Variants in ELL2 observed in about 807,000 individuals in gnomAD.
The protein encoded by ELL2 is elongation factor for RNA polymerase II 2, also known as RNA polymerase II elongation factor ELL2.
Under a neutral mutation model 72.8 loss-of-function variants are expected in ELL2, and 21 were observed. The observed-to-expected ratio is 0.29, with a 90% CI of 0.20 to 0.42. The LOEUF is 0.42. ELL2 is among the 10% of genes least tolerant of loss of function. The pLI is 1.00. For synonymous variants in ELL2, 266 were observed against 283.2 expected, an observed-to-expected ratio of 0.94 and a Z score of 0.61; for missense variants, 568 against 772.8, an observed-to-expected ratio of 0.73 and a Z score of 3.14.
intron 4 of ELL2, among the ~76,000 whole-genome samples, chr5:95,912,001 A>G (rs1343796823): frequency 6.6e-6 from 1 of 152,142 alleles, no homozygotes; most frequent in Non-Finnish European, 1.5e-5. Context: ...GGGAGGTATA[A>G]TTTGGTTCAC....
chr5:95,919,298 A>C, intron 3 of ELL2, 126 bp downstream of exon 3: 1 of 1,190,202 alleles, frequency 8.4e-7, no homozygotes, highest in Non-Finnish European at 1.1e-6. Flanking sequence ...CAGATAAATA[A>C]ATGAGCTCTG....
chr5:95,904,120 T>C (rs1177354013), intron 5 of ELL2, among the ~76,000 whole-genome samples: 1 of 152,226 alleles, frequency 6.6e-6, no homozygotes, highest in African/African-American at 2.4e-5. Flanking sequence ...AAAGGTTCCC[T>C]GATCTCTCCA....
At chr5:95,945,696 C>A (rs1321257427) in intron 1 of ELL2, among the ~76,000 whole-genome samples, 2 of 152,058 alleles carry the variant, frequency 1.3e-5, no homozygotes, top group South Asian at 2.1e-4. Context: ...TCTTGAATAG[C>A]AGTTTAGAAA....
chr5:95,924,187 G>C (rs1055736542), intron 2 of ELL2, among the ~76,000 whole-genome samples: 29 of 152,170 alleles, frequency 1.9e-4, no homozygotes, highest in African/African-American at 6.8e-4. Flanking sequence ...GTGGATATGC[G>C]TCAGTCCCCT....
At chr5:95,940,869 C>A (rs965900287) in intron 2 of ELL2, among the ~76,000 whole-genome samples, 10 of 152,054 alleles carry the variant, frequency 6.6e-5, no homozygotes, top group African/African-American at 2.4e-4. Context: ...ACATCGGTGG[C>A]CCTGCGTCTT....
chr5:95,941,070 G>A (rs1307313876), intron 2 of ELL2, among the ~76,000 whole-genome samples: 4 of 152,260 alleles, frequency 2.6e-5, no homozygotes, highest in Non-Finnish European at 4.4e-5. Flanking sequence ...GTGGGGGGTT[G>A]AGACAGAATA....
Position 95,897,968 on chromosome 5 carries a change from A to T in ELL2, c.1525+272T>A, listed in dbSNP as rs140605685. ...CATAACAGATATGGAAAAGAATGTT[A>T]AAGGTCCACCTTCCAAAAAGGAGTC... On this transcript the variant is annotated intron_variant, in intron 8 of 11. Transcript: ENST00000237853. 3.6e-3 allele frequency among the ~76,000 whole-genome samples: 544 copies of T among 152,270 alleles called. 6 individuals are homozygous for T. Among genetic ancestry groups the T allele is most frequent in the African/African-American group, 0.012 (493 of 41,544 alleles).
chr5:95,954,614 T>C (rs1412667825), intron 1 of ELL2, among the ~76,000 whole-genome samples: 3 of 130,266 alleles, frequency 2.3e-5, no homozygotes, highest in Non-Finnish European at 4.8e-5. Flanking sequence ...TTTTTTTTTT[T>C]GTATTTTAGT....
rs574781013 is a variant in ELL2, at chr5:95,937,771, G to C, written c.195+5231C>G. Among the ~76,000 whole-genome samples, 32 of 152,260 alleles carry C rather than the reference G, an allele frequency of 2.1e-4. No individual in the cohort carries two copies. The South Asian group carries it at 5.6e-3, about 27-fold the overall frequency. ...TTACACTCAGAGCCAAGAGTATCAA[G>C]GTAGCTGTTAGCTGGCAACATTCAG... On this transcript the variant is annotated intron_variant, in intron 2 of 11. Coordinates refer to ENST00000237853, the MANE Select transcript of ELL2 (RefSeq NM_012081.6).
Position 95,898,479 on chromosome 5 carries a change from T to C in ELL2, c.1286A>G (p.Tyr429Cys). The C allele has an allele frequency of 6.2e-7, 1 of 1,614,070 alleles. No homozygotes were observed. Among genetic ancestry groups the C allele is most frequent in the Admixed American group, 1.7e-5 (1 of 60,020 alleles). Residue 429 changes from tyrosine (Y) to cysteine (C), a missense_variant, in exon 8 of 12, where the codon TAT (tyrosine) becomes TGT (cysteine). Tyr to Cys is a radical substitution (Grantham distance 194). Coordinates refer to ENST00000237853, the MANE Select transcript of ELL2 (RefSeq NM_012081.6). ...DSIYEDQQDKYTSRTSLETLP... is the reference protein window; with the variant it reads ...DSIYEDQQDKCTSRTSLETLP... ...GGTTTCCAGAGAAGTCCTAGAGGTA[T>C]ATTTGTCTTGCTGGTCCTCATAGAT... is the stretch of plus-strand genomic sequence containing the variant.
At chr5:95,953,941 A>G (rs1481459144) in intron 1 of ELL2, among the ~76,000 whole-genome samples, 1 of 152,218 alleles carries the variant, frequency 6.6e-6, no homozygotes, top group African/African-American at 2.4e-5. Flanking sequence ...TCAGTGCTTT[A>G]TGATGGCCTT....
In ELL2 at chr5:95,891,091, A is replaced by C; in HGVS notation, c.1761+12T>G. ...TATGAAAGTCAGCCCATCTAGTTAC[A>C]AATCCATTTACCTGATACTCTTTTG... is the stretch of plus-strand genomic sequence containing the variant. On this transcript the variant is annotated intron_variant, in intron 10 of 11. Transcript: ENST00000237853. 6.2e-7 allele frequency: 1 copy of C among 1,614,126 alleles called. No homozygotes were observed. The highest frequency in any genetic ancestry group is 1.1e-5 in the South Asian group (1 of 91,074).
At chr5:95,894,514 C>T (rs1401449832) in intron 9 of ELL2, among the ~76,000 whole-genome samples, 2 of 152,198 alleles carry the variant, frequency 1.3e-5, no homozygotes, top group Non-Finnish European at 2.9e-5. Context: ...CAGAGGCTGT[C>T]CTGGAAGACT....
chr5:95,935,368 A>G (rs771653836), intron 2 of ELL2, among the ~76,000 whole-genome samples: 1 of 152,180 alleles, frequency 6.6e-6, no homozygotes, highest in African/African-American at 2.4e-5. Context: ...AAAATTTAAC[A>G]AAAGGAGCTT....
intron 3 of ELL2, among the ~76,000 whole-genome samples, chr5:95,919,112 A>G (rs80346604): frequency 0.039 from 5,870 of 152,188 alleles, 381 homozygotes; most frequent in African/African-American, 0.13. Context: ...AATGAATTAA[A>G]TATTTCTAAA....
intron 1 of ELL2, among the ~76,000 whole-genome samples, chr5:95,954,822 C>A (rs1436103140): frequency 6.6e-6 from 1 of 152,036 alleles, no homozygotes; most frequent in African/African-American, 2.4e-5. Flanking sequence ...TTATCTCTGG[C>A]CTGGACCACA....
At chr5:95,943,908 T>C (rs1751063089) in intron 1 of ELL2, among the ~76,000 whole-genome samples, 1 of 152,212 alleles carries the variant, frequency 6.6e-6, no homozygotes, top group African/African-American at 2.4e-5. Flanking sequence ...CCAGCATATT[T>C]TTCTATGGGA....
At chr5:95,910,913 C>A (rs1204103651) in intron 4 of ELL2, among the ~76,000 whole-genome samples, 4 of 152,168 alleles carry the variant, frequency 2.6e-5, no homozygotes, top group African/African-American at 9.7e-5. Context: ...TTAATGAGAT[C>A]ACACTCATAT....
intron 4 of ELL2, among the ~76,000 whole-genome samples, chr5:95,908,162 T>G (rs374280340): frequency 7.2e-5 from 11 of 152,194 alleles, no homozygotes; most frequent in African/African-American, 1.2e-4. Context: ...GTTTCAGAGA[T>G]AGATTTAGAT....
Sources: gnomAD v4.1 joint callset for allele counts (sites outside exome capture counted in the v4.1 genomes callset) on GRCh38, gnomAD v4.1.1 for gene constraint, MANE v1.5 for transcripts, NCBI Gene and HGNC (gene_info 2026-07-23, HGNC 2026-07-21) for gene names.